The following LBR variants were observed in gnomAD, a reference collection of about 807,000 sequenced individuals.
The protein encoded by LBR is lamin B receptor, also known as delta(14)-sterol reductase LBR.
LBR carries 28 observed loss-of-function variants against 74.3 expected under a neutral mutation model. The observed-to-expected ratio is 0.38, with a 90% CI of 0.28 to 0.52. The LOEUF (loss-of-function observed/expected upper bound fraction) is 0.52, where lower values mean the gene tolerates loss of function less well. Ranked by LOEUF, LBR falls within the 20% of genes least tolerant of loss-of-function variation. The pLI is 0.89. For synonymous variants in LBR, 228 were observed against 269.3 expected (o/e 0.85, Z 1.50); for missense variants, 717 against 760.3 (o/e 0.94, Z 0.67).
At chr1:225,421,117 C>T (rs2096126723) in intron 3 of LBR, among the ~76,000 whole-genome samples, 1 of 152,212 alleles carries the variant, frequency 6.6e-6, no homozygotes, top group African/African-American at 2.4e-5. Flanking sequence ...GAAAAATACA[C>T]TCTGAAAGGT....
In LBR at chr1:225,404,686, G is replaced by C. The variant is rs1131691304; in HGVS notation, c.1504C>G (p.Arg502Gly). The part of the protein sequence containing the change: ...VLKLCGYVIF[R>G]GANSQKNAFR... ...GCATTTTTCTGAGAATTTGCACCTCGGAAGATTACATAACCACAAACTGCA... is the reference window on the plus strand; with the variant it reads ...GCATTTTTCTGAGAATTTGCACCTCCGAAGATTACATAACCACAAACTGCA... The change falls in exon 12 of 14, where the codon CGA becomes GGA. Residue 502 changes from arginine to glycine, a missense_variant. Arg to Gly is a moderately radical substitution (Grantham distance 125, BLOSUM62 -2). Coordinates refer to ENST00000272163, the MANE Select transcript of LBR (RefSeq NM_002296.4). 1.9e-6 allele frequency: 3 copies of C among 1,610,282 alleles called. No homozygotes were observed. The highest frequency in any genetic ancestry group is 1.7e-6 in the Non-Finnish European group (2 of 1,178,230).
At chr1:225,426,749 C>G (rs1240789496) in intron 1 of LBR, among the ~76,000 whole-genome samples, 1 of 152,196 alleles carries the variant, frequency 6.6e-6, no homozygotes, top group Non-Finnish European at 1.5e-5. Context: ...AAACAGGAAC[C>G]CCGGGCCTTG....
At position 225,404,421 on chromosome 1, in the gene LBR, G is replaced by A. The variant is rs202123513; in HGVS notation, c.1670C>T (p.Ala557Val). ...ATGCTTACCACATGGGAGGGACCAC[G>A]CCAAGGCCATGATGAGATCACCCAA... ...NYLGDLIMAL[A>V]WSLPCGFNHI... The change falls in exon 13 of 14, where the codon GCG (alanine) becomes GTG (valine). Residue 557 changes from alanine to valine, a missense_variant. Ala to Val is a moderately conservative substitution (Grantham distance 64). Coordinates refer to ENST00000272163, the MANE Select transcript of LBR (RefSeq NM_002296.4). The A allele has an allele frequency of 3.3e-5, 54 of 1,614,068 alleles. No individual in the cohort carries two copies. The highest frequency in any genetic ancestry group is 4.2e-5 in the Non-Finnish European group (50 of 1,180,026).
intron 7 of LBR, chr1:225,414,021 A>C (rs984915380): frequency 2.2e-6 from 1 of 456,766 alleles, no homozygotes; most frequent in Non-Finnish European, 4.4e-6. Context: ...CAAAGTCAAC[A>C]ACCCACCTCA....
At chr1:225,406,376 A>G (rs2150944977) in intron 11 of LBR, among the ~76,000 whole-genome samples, 1 of 152,352 alleles carries the variant, frequency 6.6e-6, no homozygotes, top group South Asian at 2.1e-4. Context: ...CAGGCACTCA[A>G]GAGAAAAGAC....
At chr1:225,405,839 C>T (rs923402633) in intron 11 of LBR, among the ~76,000 whole-genome samples, 4 of 152,226 alleles carry the variant, frequency 2.6e-5, no homozygotes, top group African/African-American at 9.6e-5. Flanking sequence ...GAAACTAAAT[C>T]TTAATTTTAA....
rs78306811 is a variant in LBR, at chr1:225,412,649, T to TAA, written c.893-6_893-5dup. On this transcript the variant is annotated splice_region_variant and splice_polypyrimidine_tract_variant and intron_variant, in intron 7 of 13. Transcript: ENST00000272163. ...GTCAGGATAAAAGCATAGAATCCTTTAAAAAAAAAAAAAAAAGGAAGTGGA... is the reference window on the plus strand; with the variant it reads ...GTCAGGATAAAAGCATAGAATCCTTTAAAAAAAAAAAAAAAAAAGGAAGTGGA... 4,633 of 1,397,884 alleles carry TAA rather than the reference T, an allele frequency of 3.3e-3. No homozygotes were observed. Among genetic ancestry groups the TAA allele is most frequent in the Non-Finnish European group, 3.7e-3 (3,811 of 1,028,060 alleles). 86.6% of individuals were successfully genotyped at this position (1,397,884 alleles called of 1,614,324 possible). A position where few individuals can be genotyped will look rare whatever the true frequency, so the allele number is the denominator to read the frequency against.
chr1:225,421,798 T>C (rs938098160), intron 3 of LBR, among the ~76,000 whole-genome samples: 4 of 152,242 alleles, frequency 2.6e-5, no homozygotes, highest in African/African-American at 4.8e-5. Context: ...GTAAAAACCT[T>C]ACGCAGTTCA....
At chr1:225,422,967 C>T (rs2096130767) in intron 2 of LBR, among the ~76,000 whole-genome samples, 1 of 152,196 alleles carries the variant, frequency 6.6e-6, no homozygotes, top group South Asian at 2.1e-4. Context: ...GCCATGTCTG[C>T]TCCCTTCCAT....
Position 225,406,927 on chromosome 1 carries a change from T to C in LBR, c.1315-95A>G, listed in dbSNP as rs2096093182. ...TTACAGGCAAATGTAAAAAGTGCTA[T>C]GGGCGGGTCCACAATCAACATTTTT... On this transcript the variant is annotated intron_variant, in intron 10 of 13. Coordinates refer to ENST00000272163, the MANE Select transcript of LBR (RefSeq NM_002296.4). The C allele has an allele frequency of 1.2e-5, 15 of 1,206,686 alleles. No homozygotes were observed. The South Asian group carries it at 1.3e-4, about 10-fold the overall frequency. The allele number at this position is 1,206,686 out of a possible 1,614,324, so 74.7% of individuals were successfully genotyped here.
chr1:225,406,938 A>ACAAT, intron 10 of LBR, 106 bp from the exon 11 acceptor site: 1 of 1,050,862 alleles, frequency 9.5e-7, no homozygotes, highest in Non-Finnish European at 1.4e-6. Context: ...GGGCGGGTCC[A>ACAAT]CAATCAACAT....
intron 6 of LBR, among the ~76,000 whole-genome samples, chr1:225,417,031 C>T (rs922680219): frequency 1.1e-4 from 16 of 152,074 alleles, no homozygotes; most frequent in Admixed American, 1.3e-4. Context: ...TCACTTTAGT[C>T]TATGAGTATA....
rs1385420201 is a variant in LBR at position 225,428,004 on chromosome 1, C to T, written c.-65G>A. ...GGACGGCTCCCGGAGAATAGTCGCA[C>T]AGCAACCCGGCGGCAGATCCACGCG... is the stretch of plus-strand genomic sequence containing the variant. On this transcript the variant is annotated 5_prime_UTR_variant, in exon 1 of 14. The change creates a new upstream start codon in the 5' untranslated region. Transcript: ENST00000272163. 1 of 152,136 alleles carries T rather than the reference C, an allele frequency of 6.6e-6. No individual in the cohort carries two copies. The highest frequency in any genetic ancestry group is 1.9e-4 in the East Asian group (1 of 5,180). The allele number at this position is 152,136 out of a possible 1,614,324, so 9.4% of individuals were successfully genotyped here. A position where few individuals can be genotyped will look rare whatever the true frequency, so the allele number is the denominator to read the frequency against.
At chr1:225,413,950 T>C (rs758421387) in intron 7 of LBR, 5 of 456,698 alleles carry the variant, frequency 1.1e-5, no homozygotes, top group South Asian at 4.6e-5. Flanking sequence ...CAAGACTACT[T>C]AGAAAAGAAT....
At position 225,427,046 on chromosome 1, in the gene LBR, G is replaced by A. The variant is rs141850888; in HGVS notation, c.-15+908C>T. Among the ~76,000 whole-genome samples the A allele has an allele frequency of 4.2e-3, 646 of 152,336 alleles. 5 individuals carry two copies. The highest frequency in any genetic ancestry group is 7.0e-3 in the Non-Finnish European group (474 of 68,028). Reference sequence around the variant, plus strand: ...GTGTTTACGTGCAAGGTCCCCGGGGGCCTGTTCACCCTGGCACTGCCCAGG... The same window carrying A: ...GTGTTTACGTGCAAGGTCCCCGGGGACCTGTTCACCCTGGCACTGCCCAGG... On this transcript the variant is annotated intron_variant, in intron 1 of 13. Transcript: ENST00000272163.
In LBR at chr1:225,421,986, T is replaced by A. The variant is rs984017604; in HGVS notation, c.366+91A>T. On this transcript the variant is annotated intron_variant, in intron 3 of 13. Coordinates refer to ENST00000272163, the MANE Select transcript of LBR (RefSeq NM_002296.4). ...CATCAACTTAGATTTGATGTTTCAG[T>A]GACATTTTAATATTATTAACTGCAA... The A allele has an allele frequency of 7.2e-6, 9 of 1,248,100 alleles. No individual in the cohort carries two copies. In the Admixed American group the frequency reaches 1.6e-4, roughly 22 times the overall value. 77.3% of individuals were successfully genotyped at this position (1,248,100 alleles called of 1,614,324 possible). A position where few individuals can be genotyped will look rare whatever the true frequency, so the allele number is the denominator to read the frequency against.
At chr1:225,405,121 G>A (rs1370106424) in intron 11 of LBR, among the ~76,000 whole-genome samples, 1 of 152,140 alleles carries the variant, frequency 6.6e-6, no homozygotes, top group African/African-American at 2.4e-5. Context: ...TATATCATCT[G>A]TTAGTTATAC....
chr1:225,402,691 G>C lies in LBR; in HGVS notation c.*612C>G, dbSNP rs944152738. On this transcript the variant is annotated 3_prime_UTR_variant, in exon 14 of 14. Transcript: ENST00000272163. ...CATATATTACAAAAAACTAAGCTAT[G>C]TATTTACATTTTCAATGTAGTTTTA... 6.6e-6 allele frequency: 1 copy of C among 152,614 alleles called. No individual in the cohort carries two copies. The highest frequency in any genetic ancestry group is 2.4e-5 in the African/African-American group (1 of 41,440). 9.5% of individuals were successfully genotyped at this position (152,614 alleles called of 1,614,324 possible). A position where few individuals can be genotyped will look rare whatever the true frequency, so the allele number is the denominator to read the frequency against.
intron 1 of LBR, among the ~76,000 whole-genome samples, chr1:225,424,856 T>C (rs577569532): frequency 9.6e-4 from 147 of 152,344 alleles, no homozygotes; most frequent in African/African-American, 3.4e-3. Flanking sequence ...GCCACCCTTT[T>C]TGAAATATCA....
Sources: allele counts gnomAD v4.1 joint callset (sites outside exome capture counted in the v4.1 genomes callset), GRCh38; gene constraint gnomAD v4.1.1; transcripts MANE v1.5; gene names NCBI Gene and HGNC (gene_info 2026-07-23, HGNC 2026-07-21).